NALF1: variants seen among roughly 807,000 people sequenced by gnomAD.
NALF1 encodes the protein family with sequence similarity 155 member A.
NALF1 carries 3 observed loss-of-function variants against 48.4 expected under a neutral mutation model. That is an observed-to-expected ratio of 0.06 (90% CI 0.03 to 0.16). NALF1 has a LOEUF of 0.16. NALF1 is among the 10% of genes least tolerant of loss of function. NALF1 has a pLI of 1.00. For synonymous variants in NALF1, 262 were observed against 245.7 expected, an observed-to-expected ratio of 1.07 and a Z score of -0.62; for missense variants, 526 against 571.5, an observed-to-expected ratio of 0.92 and a Z score of 0.81.
intron 1 of NALF1, among the ~76,000 whole-genome samples, chr13:107,358,224 C>A (rs1347653163): frequency 6.6e-6 from 1 of 151,722 alleles, no homozygotes; most frequent in African/African-American, 2.4e-5. Context: ...GTTACAAGTG[C>A]AAACTCTGGA....
chr13:107,824,020 C>A (rs1277250652), intron 1 of NALF1, among the ~76,000 whole-genome samples: 2 of 149,720 alleles, frequency 1.3e-5, no homozygotes, highest in African/African-American at 4.9e-5. Context: ...CCCCATCATT[C>A]CTTAAAGGCA....
chr13:107,225,199 G>A (rs1880077599), intron 1 of NALF1, among the ~76,000 whole-genome samples: 2 of 152,076 alleles, frequency 1.3e-5, no homozygotes, highest in Non-Finnish European at 2.9e-5. Context: ...AGCAGAGACG[G>A]GGTTTCACCA....
chr13:107,255,776 G>T (rs1880802168), intron 1 of NALF1, among the ~76,000 whole-genome samples: 1 of 152,118 alleles, frequency 6.6e-6, no homozygotes. Context: ...AGGTCTGTTT[G>T]TCTAGTAAGT....
intron 1 of NALF1, among the ~76,000 whole-genome samples, chr13:107,784,542 A>G (rs1289090105): frequency 6.6e-6 from 1 of 152,108 alleles, no homozygotes; most frequent in African/African-American, 2.4e-5. Flanking sequence ...TCCAGTAGGA[A>G]AAAAACAAAC....
chr13:107,673,856 G>T (rs941162940), intron 1 of NALF1, among the ~76,000 whole-genome samples: 1 of 152,070 alleles, frequency 6.6e-6, no homozygotes, highest in Non-Finnish European at 1.5e-5. Flanking sequence ...AAAATGAGGT[G>T]AGGGTCACAG....
chr13:107,852,568 A>G, intron 1 of NALF1, among the ~76,000 whole-genome samples: 1 of 152,202 alleles, frequency 6.6e-6, no homozygotes, highest in East Asian at 1.9e-4. Flanking sequence ...TCCTTTGCAC[A>G]AAGTCACTGT....
chr13:107,718,656 C>G (rs1875893236), intron 1 of NALF1, among the ~76,000 whole-genome samples: 1 of 152,174 alleles, frequency 6.6e-6, no homozygotes, highest in Admixed American at 6.5e-5. Context: ...TGAAAGAACA[C>G]AGTCTTTGAA....
At chr13:107,658,735 T>G (rs961800559) in intron 1 of NALF1, among the ~76,000 whole-genome samples, 42 of 152,136 alleles carry the variant, frequency 2.8e-4, no homozygotes, top group Non-Finnish European at 5.9e-5. Context: ...CATTGAAGCC[T>G]TCTTACCCTT....
chr13:107,710,571 C>T lies in NALF1; in HGVS notation c.915+155111G>A, dbSNP rs545298155. Among the ~76,000 whole-genome samples, 12 of 152,158 alleles carry T rather than the reference C, an allele frequency of 7.9e-5. No individual in the cohort carries two copies. In the East Asian group the frequency reaches 2.3e-3, roughly 29 times the overall value. On this transcript the variant is annotated intron_variant, in intron 1 of 2. Transcript: ENST00000375915. The stretch of plus-strand genomic sequence containing the variant: ...CAAAGGGGATGCAAGGCACCTTCTT[C>T]AGGTGGCATCAGGAGAGAGAGTGAG...
At chr13:107,247,447 A>C (rs1182570479) in intron 1 of NALF1, among the ~76,000 whole-genome samples, 2 of 152,246 alleles carry the variant, frequency 1.3e-5, no homozygotes, top group Non-Finnish European at 2.9e-5. Flanking sequence ...ACCAAAGCGC[A>C]TGAGAAAGAA....
chr13:107,175,021 C>A (rs1355116619), intron 2 of NALF1, among the ~76,000 whole-genome samples: 1 of 137,528 alleles, frequency 7.3e-6, no homozygotes, highest in African/African-American at 2.8e-5. Context: ...GTAGCTGGGA[C>A]TACAGGCGCC....
chr13:107,451,535 G>A (rs1884740014), intron 1 of NALF1, among the ~76,000 whole-genome samples: 2 of 152,262 alleles, frequency 1.3e-5, no homozygotes, highest in South Asian at 4.2e-4. Context: ...GTTAAAGATA[G>A]CTAGGATAAG....
chr13:107,610,672 A>G (rs1879201191), intron 1 of NALF1, among the ~76,000 whole-genome samples: 1 of 152,346 alleles, frequency 6.6e-6, no homozygotes, highest in East Asian at 1.9e-4. Flanking sequence ...AAGTTATATG[A>G]AAATACTTGA....
intron 1 of NALF1, among the ~76,000 whole-genome samples, chr13:107,611,362 C>T (rs9559098): frequency 0.042 from 6,464 of 152,238 alleles, 365 homozygotes; most frequent in East Asian, 0.26. Flanking sequence ...TCCAAACAAA[C>T]TGAAAACAGG....
intron 1 of NALF1, among the ~76,000 whole-genome samples, chr13:107,742,438 C>A (rs1351233706): frequency 6.6e-6 from 1 of 152,160 alleles, no homozygotes; most frequent in African/African-American, 2.4e-5. Flanking sequence ...GCGGTTACTC[C>A]CATGTTGTTC....
chr13:107,164,392 T>G lies in NALF1; in HGVS notation c.*6105A>C, dbSNP rs1878617453. On this transcript the variant is annotated 3_prime_UTR_variant, in exon 3 of 3. Coordinates refer to ENST00000375915, the MANE Select transcript of NALF1 (RefSeq NM_001080396.3). ...TTATAGTGTTAATTAAAATATATATTAATTCAGTTTAATTAATTTTCATAA... is the reference window on the plus strand; with the variant it reads ...TTATAGTGTTAATTAAAATATATATGAATTCAGTTTAATTAATTTTCATAA... 1.3e-5 allele frequency: 2 copies of G among 152,098 alleles called. No individual in the cohort carries two copies. Among genetic ancestry groups the G allele is most frequent in the Non-Finnish European group, 2.9e-5 (2 of 68,026 alleles). 9.4% of individuals were successfully genotyped at this position (152,098 alleles called of 1,614,324 possible). A position where few individuals can be genotyped will look rare whatever the true frequency, so the allele number is the denominator to read the frequency against.
At chr13:107,582,757 G>A (rs2138411672) in intron 1 of NALF1, among the ~76,000 whole-genome samples, 1 of 152,204 alleles carries the variant, frequency 6.6e-6, no homozygotes, top group East Asian at 1.9e-4. Context: ...TAAGATCAAA[G>A]AATTCTAAGA....
intron 1 of NALF1, among the ~76,000 whole-genome samples, chr13:107,667,506 G>T (rs1034974013): frequency 6.6e-6 from 1 of 151,996 alleles, no homozygotes; most frequent in Non-Finnish European, 1.5e-5. Context: ...TCACTAAATG[G>T]TTTAGGCCTC....
chr13:107,689,592 T>C (rs2138503060), intron 1 of NALF1, among the ~76,000 whole-genome samples: 1 of 152,308 alleles, frequency 6.6e-6, no homozygotes, highest in South Asian at 2.1e-4. Flanking sequence ...ATTGAAATAC[T>C]TAATTTTTAA....
Sources: gnomAD v4.1 joint callset for allele counts (sites outside exome capture counted in the v4.1 genomes callset) on GRCh38, gnomAD v4.1.1 for gene constraint, MANE v1.5 for transcripts, NCBI Gene and HGNC (gene_info 2026-07-23, HGNC 2026-07-21) for gene names.